The following ADGRA3 variants were observed in gnomAD, a reference collection of about 807,000 sequenced individuals.
The protein encoded by ADGRA3 is adhesion G protein-coupled receptor A3, also known as G-protein coupled receptor 125.
A neutral mutation model predicts 119.8 loss-of-function variants in ADGRA3; 56 were observed. The observed-to-expected ratio is 0.47, with a 90% confidence interval of 0.38 to 0.58. ADGRA3 has a LOEUF of 0.58. Ranked by LOEUF, ADGRA3 falls within the 20% of genes least tolerant of loss-of-function variation. ADGRA3 has a pLI of 0.00. For missense variants in ADGRA3, 1,516 were observed against 1,649.0 expected, an observed-to-expected ratio of 0.92 and a Z score of 1.40; for synonymous variants, 607 against 623.8, an observed-to-expected ratio of 0.97 and a Z score of 0.40.
chr4:22,390,967 C>T (rs1342239923), intron 17 of ADGRA3, among the ~76,000 whole-genome samples: 2 of 152,026 alleles, frequency 1.3e-5, no homozygotes, highest in African/African-American at 2.4e-5. Context: ...AACTCTGGGG[C>T]CACGGAGCAC....
At chr4:22,393,164 C>G (rs1055087878) in intron 16 of ADGRA3, 2 of 152,478 alleles carry the variant, frequency 1.3e-5, no homozygotes, top group African/African-American at 4.9e-5. Flanking sequence ...GTAGCTGGGA[C>G]TACAGGTACG....
chr4:22,391,660 T>C (rs953301450), intron 17 of ADGRA3, among the ~76,000 whole-genome samples: 5 of 152,148 alleles, frequency 3.3e-5, no homozygotes, highest in Non-Finnish European at 5.9e-5. Context: ...GCCACTCCCT[T>C]AGTTAAAAAT....
intron 2 of ADGRA3, among the ~76,000 whole-genome samples, chr4:22,467,884 A>G (rs1426751859): frequency 6.6e-6 from 1 of 152,238 alleles, no homozygotes; most frequent in Non-Finnish European, 1.5e-5. Context: ...TTGCTTAAAT[A>G]GAACTAAAGG....
chr4:22,388,731 C>T lies in ADGRA3; in HGVS notation c.2940G>A (p.Leu980=), dbSNP rs764114316. ...CATTTTCCAAGGCTGATGTAGAAAT[C>T]AGAGACAAAGACATTGAATCCTGAT... ...INHQDSMSLS[L]ISTSALENEH... Residue 980 remains leucine, a synonymous_variant, in exon 19 of 19, where the codon CTG becomes CTA. Transcript: ENST00000334304. The T allele has an allele frequency of 6.2e-7, 1 of 1,614,112 alleles. No homozygotes were observed. Among genetic ancestry groups the T allele is most frequent in the South Asian group, 1.1e-5 (1 of 91,084 alleles).
chr4:22,492,075 T>C (rs1718640870), intron 1 of ADGRA3, among the ~76,000 whole-genome samples: 1 of 152,180 alleles, frequency 6.6e-6, no homozygotes, highest in South Asian at 2.1e-4. Flanking sequence ...GAAATCCTAA[T>C]ACACATATTC....
rs765171086 is a variant in ADGRA3, at chr4:22,420,880, A to G, written c.1809+6T>C. The G allele has an allele frequency of 6.2e-7, 1 of 1,611,226 alleles. No individual in the cohort carries two copies. Among genetic ancestry groups the G allele is most frequent in the East Asian group, 2.2e-5 (1 of 44,870 alleles). On this transcript the variant is annotated splice_donor_region_variant and intron_variant, in intron 12 of 18. Transcript: ENST00000334304. The stretch of plus-strand genomic sequence containing the variant: ...TAGTCTTAAATGATTGCAGAATGTA[A>G]CATACCTTTAGTGCCAGACTCGAAA...
chr4:22,454,874 C>T lies in ADGRA3; in HGVS notation c.465G>A (p.Leu155=). ...NADIFRGLTN[L]VRLNLSGNLF... is the part of the protein sequence containing the mutation. ...AGAAAAGATATACTTACAGCCGAAC[C>T]AGATTGGTGAGTCCTCGAAATATGT... Residue 155 remains leucine (L), a synonymous_variant, in exon 4 of 19, where the codon CTG becomes CTA. Transcript: ENST00000334304. 1.2e-6 allele frequency: 2 copies of T among 1,612,326 alleles called. No individual in the cohort carries two copies. The highest frequency in any genetic ancestry group is 1.1e-5 in the South Asian group (1 of 91,016).
intron 1 of ADGRA3, among the ~76,000 whole-genome samples, chr4:22,477,193 G>A (rs1053901641): frequency 6.6e-6 from 1 of 152,076 alleles, no homozygotes; most frequent in Non-Finnish European, 1.5e-5. Context: ...TTCAATAAAT[G>A]TTTATATAGT....
intron 1 of ADGRA3, among the ~76,000 whole-genome samples, chr4:22,498,922 AC>A (rs1398017905): frequency 2.5e-4 from 7 of 27,578 alleles, no homozygotes; most frequent in Non-Finnish European, 4.7e-4. Flanking sequence ...CAAAAAAAAA[AC>A]AAAAAAAACA....
intron 1 of ADGRA3, among the ~76,000 whole-genome samples, chr4:22,498,996 TA>T (rs1250895584): frequency 1.3e-5 from 2 of 152,030 alleles, no homozygotes; most frequent in Non-Finnish European, 2.9e-5. Flanking sequence ...GCATTAGCCC[TA>T]GGGGAAAGAG....
intron 12 of ADGRA3, among the ~76,000 whole-genome samples, chr4:22,417,310 G>A (rs532529353): frequency 3.2e-4 from 48 of 152,228 alleles, no homozygotes; most frequent in African/African-American, 1.2e-3. Context: ...AGAGCCTGGA[G>A]ACATAAAATG....
intron 12 of ADGRA3, among the ~76,000 whole-genome samples, chr4:22,417,222 T>G (rs1197008582): frequency 1.3e-5 from 2 of 152,232 alleles, no homozygotes; most frequent in African/African-American, 4.8e-5. Context: ...TAACTGACTT[T>G]GTTTGCTAAT....
Position 22,447,443 on chromosome 4 carries a change from G to T in ADGRA3, c.542C>A (p.Ser181Tyr), listed in dbSNP as rs1315357669. The T allele has an allele frequency of 2.0e-6, 3 of 1,498,418 alleles. No individual in the cohort carries two copies. Among genetic ancestry groups the T allele is most frequent in the African/African-American group, 1.4e-5 (1 of 69,172 alleles). 92.8% of individuals were successfully genotyped at this position (1,498,418 alleles called of 1,614,324 possible). A position where few individuals can be genotyped will look rare whatever the true frequency, so the allele number is the denominator to read the frequency against. Reference sequence around the variant, plus strand: ...AGAGAAAAAAATTCTTACTTACAAAGACCGTAATGACGCAAGATAATCAAA... The same window carrying T: ...AGAGAAAAAAATTCTTACTTACAAATACCGTAATGACGCAAGATAATCAAA... ...GTFDYLASLR[S>Y]LEFQTEYLLC... The change falls in exon 5 of 19, where the codon TCT becomes TAT. Residue 181 changes from serine (S) to tyrosine (Y), a missense_variant. This residue lies in a region of ADGRA3 where 428 missense variants were observed against 541.9 expected (regional missense o/e 0.79). Coordinates refer to ENST00000334304, the MANE Select transcript of ADGRA3 (RefSeq NM_145290.4).
intron 12 of ADGRA3, among the ~76,000 whole-genome samples, chr4:22,417,223 G>T (rs1267846126): frequency 6.6e-6 from 1 of 152,102 alleles, no homozygotes; most frequent in Non-Finnish European, 1.5e-5. Flanking sequence ...AACTGACTTT[G>T]TTTGCTAATT....
intron 1 of ADGRA3, among the ~76,000 whole-genome samples, chr4:22,515,060 G>C (rs576176133): frequency 6.6e-6 from 1 of 152,344 alleles, no homozygotes; most frequent in Non-Finnish European, 1.5e-5. Context: ...GCGTCTTGGG[G>C]TTTGGGCTCG....
intron 1 of ADGRA3, among the ~76,000 whole-genome samples, chr4:22,489,523 C>CA (rs963212138): frequency 2.6e-5 from 4 of 151,408 alleles, no homozygotes; most frequent in East Asian, 1.9e-4. Flanking sequence ...TGTACATGAG[C>CA]AAAAAAAATA....
chr4:22,470,120 T>C (rs186096925), intron 2 of ADGRA3, among the ~76,000 whole-genome samples: 383 of 152,328 alleles, frequency 2.5e-3, no homozygotes, highest in Non-Finnish European at 3.8e-3. Flanking sequence ...CAAACCTTCA[T>C]ATTAAGCTAA....
intron 10 of ADGRA3, among the ~76,000 whole-genome samples, chr4:22,427,501 C>T (rs993684691): frequency 1.2e-4 from 18 of 151,536 alleles, no homozygotes; most frequent in Admixed American, 8.5e-4. Flanking sequence ...AGGTACAGGA[C>T]GAACAACAGT....
chr4:22,427,472 A>C (rs1057015078), intron 10 of ADGRA3, among the ~76,000 whole-genome samples: 2 of 151,730 alleles, frequency 1.3e-5, no homozygotes, highest in Non-Finnish European at 2.9e-5. Context: ...AAAAAAAAAA[A>C]CAACAAATAT....
Sources: allele counts gnomAD v4.1 joint callset (sites outside exome capture counted in the v4.1 genomes callset), GRCh38; gene constraint gnomAD v4.1.1; regional missense constraint gnomAD v4.1.1; transcripts MANE v1.5; gene names NCBI Gene and HGNC (gene_info 2026-07-23, HGNC 2026-07-21).